The following DBT variants were observed in gnomAD, a reference collection of about 807,000 sequenced individuals.
DBT encodes the protein lipoamide acyltransferase component of branched-chain alpha-keto acid dehydrogenase complex, mitochondrial.
A neutral mutation model predicts 51.3 loss-of-function variants in DBT; 40 were observed. The observed-to-expected ratio is 0.78, with a 90% CI of 0.61 to 1.02. The LOEUF (loss-of-function observed/expected upper bound fraction) is 1.02. Among genes scored for constraint, DBT ranks in the 50% least tolerant of loss-of-function variants. The probability of loss-of-function intolerance (pLI) is 0.00; values close to 1 mark genes in which losing one functional copy is unlikely to be tolerated. For synonymous variants in DBT, 181 were observed against 190.4 expected (o/e 0.95, Z 0.41); for missense variants, 510 against 580.2 (o/e 0.88, Z 1.24).
chr1:100,214,675 A>AC (rs1662378966), intron 7 of DBT, 142 bp downstream of exon 7: 2 of 798,880 alleles, frequency 2.5e-6, no homozygotes, highest in Non-Finnish European at 4.2e-6. Flanking sequence ...AATTGTTTAA[A>AC]CCCGGAAGGT....
chr1:100,243,722 A>G (rs576576962), intron 1 of DBT, among the ~76,000 whole-genome samples: 1 of 152,312 alleles, frequency 6.6e-6, no homozygotes, highest in South Asian at 2.1e-4. Context: ...AATTTGTCCA[A>G]GGTCACACAG....
At chr1:100,241,865 A>G (rs1265500593) in intron 1 of DBT, among the ~76,000 whole-genome samples, 2 of 152,136 alleles carry the variant, frequency 1.3e-5, no homozygotes, top group Non-Finnish European at 2.9e-5. Flanking sequence ...CTAACAATAC[A>G]AAAGAATTAG....
intron 10 of DBT, among the ~76,000 whole-genome samples, chr1:100,198,670 A>G (rs1661245137): frequency 6.6e-6 from 1 of 152,228 alleles, no homozygotes; most frequent in Admixed American, 6.5e-5. Flanking sequence ...AATGAGTGAT[A>G]GAGAGAAGTT....
At chr1:100,243,581 C>T (rs1352274728) in intron 1 of DBT, among the ~76,000 whole-genome samples, 1 of 152,092 alleles carries the variant, frequency 6.6e-6, no homozygotes, top group Non-Finnish European at 1.5e-5. Context: ...CTTGGCCTCT[C>T]AAAGTACTAG....
intron 2 of DBT, among the ~76,000 whole-genome samples, chr1:100,239,530 A>C (rs1664082638): frequency 6.6e-6 from 1 of 150,638 alleles, no homozygotes; most frequent in African/African-American, 2.4e-5. Flanking sequence ...TAATCCCATC[A>C]CTTTGAGAGG....
chr1:100,214,976 T>C lies in DBT; in HGVS notation c.780A>G (p.Gln260=), dbSNP rs939169755. Residue 260 remains glutamine, a synonymous_variant, in exon 7 of 11, where the codon CAA becomes CAG. Coordinates refer to ENST00000370132, the MANE Select transcript of DBT (RefSeq NM_001918.5). ...KDKTEPIKGF[Q]KAMVKTMSAA... ...CAGACATAGTCTTGACCATTGCTTT[T>C]TGAAAGCCTGAAAAGCATTAAATTG... is the stretch of plus-strand genomic sequence containing the variant. 6.2e-6 allele frequency: 10 copies of C among 1,608,438 alleles called. No individual in the cohort carries two copies. The African/African-American group carries it at 1.1e-4, about 17-fold the overall frequency.
chr1:100,239,451 T>C (rs1664078574), intron 2 of DBT, among the ~76,000 whole-genome samples: 1 of 151,994 alleles, frequency 6.6e-6, no homozygotes, highest in African/African-American at 2.4e-5. Context: ...AGTTTACATG[T>C]CTTAGGCTAT....
Position 100,191,429 on chromosome 1 carries a change from C to T in DBT, c.*4826G>A, listed in dbSNP as rs964923679. On this transcript the variant is annotated 3_prime_UTR_variant, in exon 11 of 11. Coordinates refer to ENST00000370132, the MANE Select transcript of DBT (RefSeq NM_001918.5). Reference sequence around the variant, plus strand: ...ACTCCCTACTCTACTGCCACCTCAGCTTCCTCTCTATCCATGTCATTAAAG... The same window carrying T: ...ACTCCCTACTCTACTGCCACCTCAGTTTCCTCTCTATCCATGTCATTAAAG... The T allele has an allele frequency of 2.0e-5, 3 of 152,184 alleles. No homozygotes were observed. Among genetic ancestry groups the T allele is most frequent in the African/African-American group, 4.8e-5 (2 of 41,450 alleles). 9.4% of individuals were successfully genotyped at this position (152,184 alleles called of 1,614,324 possible). A position where few individuals can be genotyped will look rare whatever the true frequency, so the allele number is the denominator to read the frequency against.
At chr1:100,230,942 T>C (rs763095834) in intron 3 of DBT, 28 bp from the exon 4 acceptor site, 4 of 1,353,920 alleles carry the variant, frequency 3.0e-6, no homozygotes, top group Middle Eastern at 1.8e-4. Flanking sequence ...GAGACACTTT[T>C]ATGGAAACAG....
chr1:100,226,546 A>G (rs998749314), intron 4 of DBT, among the ~76,000 whole-genome samples: 3 of 152,054 alleles, frequency 2.0e-5, no homozygotes, highest in Admixed American at 2.0e-4. Flanking sequence ...TAGCCTCCCA[A>G]AATGTTAGGA....
rs1006859599 is a variant in DBT, at chr1:100,188,853, A to C, written c.*7402T>G. On this transcript the variant is annotated 3_prime_UTR_variant, in exon 11 of 11. Coordinates refer to ENST00000370132, the MANE Select transcript of DBT (RefSeq NM_001918.5). ...GGACTCTCTCCAAATTCTCCTGCTC[A>C]GTTTTAGCAAGCTGGCCTGGAGTTC... 6.6e-6 allele frequency: 1 copy of C among 152,348 alleles called. No homozygotes were observed. Among genetic ancestry groups the C allele is most frequent in the Non-Finnish European group, 1.5e-5 (1 of 68,170 alleles). The allele number at this position is 152,348 out of a possible 1,614,324, so 9.4% of individuals were successfully genotyped here. A position where few individuals can be genotyped will look rare whatever the true frequency, so the allele number is the denominator to read the frequency against.
chr1:100,213,797 C>T, intron 7 of DBT: 1 of 1,440,666 alleles, frequency 6.9e-7, no homozygotes, highest in Non-Finnish European at 9.1e-7. Context: ...CGATGTGGCA[C>T]ACGCCAGCTG....
Position 100,193,052 on chromosome 1 carries a change from T to A in DBT, c.*3203A>T, listed in dbSNP as rs2101818419. ...TGCCCCTTTGGCCCTCTTCAGGGAA[T>A]CCTGCTATCCTAAGGGCCGTGCACA... On this transcript the variant is annotated 3_prime_UTR_variant, in exon 11 of 11. Transcript: ENST00000370132. 6.6e-6 allele frequency: 1 copy of A among 152,378 alleles called. No individual in the cohort carries two copies. The highest frequency in any genetic ancestry group is 3.4e-3 in the Middle Eastern group (1 of 296). The allele number at this position is 152,378 out of a possible 1,614,324, so 9.4% of individuals were successfully genotyped here. A position where few individuals can be genotyped will look rare whatever the true frequency, so the allele number is the denominator to read the frequency against.
intron 6 of DBT, 55 bp from the exon 7 acceptor site, chr1:100,215,038 T>A: frequency 3.3e-6 from 2 of 605,334 alleles, no homozygotes; most frequent in Non-Finnish European, 4.6e-6. Context: ...CTCTTCATCC[T>A]TTTTTTTTTT....
chr1:100,246,501 C>T (rs77828675), intron 1 of DBT, among the ~76,000 whole-genome samples: 11 of 152,250 alleles, frequency 7.2e-5, no homozygotes, highest in Middle Eastern at 3.4e-3. Context: ...AAGACAGACA[C>T]AACAGAAAAA....
At chr1:100,243,489 T>C (rs1664351741) in intron 1 of DBT, among the ~76,000 whole-genome samples, 1 of 151,840 alleles carries the variant, frequency 6.6e-6, no homozygotes, top group South Asian at 2.1e-4. Context: ...TAAACTTTTT[T>C]TGTGTGTATT....
At chr1:100,209,145 T>A (rs1274512879) in intron 8 of DBT, among the ~76,000 whole-genome samples, 1 of 151,148 alleles carries the variant, frequency 6.6e-6, no homozygotes, top group Non-Finnish European at 1.5e-5. Context: ...TCACCTAGGC[T>A]GGAGTGCAGT....
chr1:100,249,679 C>T (rs571107436), intron 1 of DBT, 91 bp downstream of exon 1: 2 of 1,287,200 alleles, frequency 1.6e-6, no homozygotes, highest in African/African-American at 1.5e-5. Flanking sequence ...CCCTGGACGC[C>T]TGGCACCGGA....
intron 6 of DBT, among the ~76,000 whole-genome samples, 183 bp downstream of exon 6, chr1:100,215,800 C>A (rs1662440327): frequency 6.6e-6 from 1 of 151,682 alleles, no homozygotes; most frequent in Non-Finnish European, 1.5e-5. Context: ...ACAGTCTGGA[C>A]AACAAGAACA....
Sources: allele counts gnomAD v4.1 joint callset (sites outside exome capture counted in the v4.1 genomes callset), GRCh38; gene constraint gnomAD v4.1.1; transcripts MANE v1.5; gene names NCBI Gene and HGNC (gene_info 2026-07-23, HGNC 2026-07-21).